WIF1: variants seen among roughly 807,000 people sequenced by gnomAD.
The protein encoded by WIF1 is Wnt inhibitory factor 1.
Under a neutral mutation model 53.5 loss-of-function variants are expected in WIF1, and 35 were observed. That is an observed-to-expected ratio of 0.65 (90% CI 0.50 to 0.87). WIF1 has a LOEUF of 0.87. Ranked by LOEUF, WIF1 falls within the 40% of genes least tolerant of loss-of-function variation. The probability of loss-of-function intolerance (pLI) is 0.00; values close to 1 mark genes in which losing one functional copy is unlikely to be tolerated. For synonymous variants in WIF1, 171 were observed against 170.4 expected, an observed-to-expected ratio of 1.00 and a Z score of -0.03; for missense variants, 467 against 476.8, an observed-to-expected ratio of 0.98 and a Z score of 0.19.
intron 2 of WIF1, chr12:65,083,856 C>CTTTTCTTTTCTTTTCTTTTA (rs1882994242): frequency 1.5e-5 from 5 of 333,534 alleles, no homozygotes; most frequent in African/African-American, 1.3e-4. Context: ...CTTTTCTTTT[C>CTTTTCTTTTCTTTTCTTTTA]TTTTATTTGC....
intron 2 of WIF1, among the ~76,000 whole-genome samples, chr12:65,102,329 C>T (rs571088682): frequency 1.3e-5 from 2 of 152,216 alleles, no homozygotes; most frequent in African/African-American, 4.8e-5. Context: ...AGTTGGCAAG[C>T]TGGAGTCCCA....
chr12:65,069,286 A>G (rs1209217141), intron 3 of WIF1, among the ~76,000 whole-genome samples: 2 of 152,208 alleles, frequency 1.3e-5, no homozygotes, highest in Non-Finnish European at 1.5e-5. Flanking sequence ...AACGAAAATA[A>G]ATAAAAAGCA....
intron 2 of WIF1, among the ~76,000 whole-genome samples, chr12:65,112,450 A>ACACACACACACC (rs1465604431): frequency 1.8e-4 from 27 of 148,342 alleles, no homozygotes; most frequent in African/African-American, 6.6e-4. Context: ...ACACACACAC[A>ACACACACACACC]CCATCCTGGA....
At chr12:65,082,656 G>A (rs1882967234) in intron 2 of WIF1, among the ~76,000 whole-genome samples, 1 of 152,138 alleles carries the variant, frequency 6.6e-6, no homozygotes, top group African/African-American at 2.4e-5. Context: ...TTCCAGATGA[G>A]ATGAAGACAT....
intron 6 of WIF1, among the ~76,000 whole-genome samples, chr12:65,063,364 T>C (rs1381118564): frequency 6.6e-6 from 1 of 152,120 alleles, no homozygotes; most frequent in African/African-American, 2.4e-5. Context: ...AGAGGAAATA[T>C]CTAAAAATAG....
chr12:65,054,615 A>G (rs1882496038), intron 9 of WIF1, among the ~76,000 whole-genome samples: 1 of 152,126 alleles, frequency 6.6e-6, no homozygotes, highest in African/African-American at 2.4e-5. Context: ...CCTCAAAAGA[A>G]CTCATTTACT....
intron 2 of WIF1, among the ~76,000 whole-genome samples, chr12:65,078,276 A>G (rs1466821681): frequency 6.6e-6 from 1 of 152,100 alleles, no homozygotes; most frequent in African/African-American, 2.4e-5. Flanking sequence ...ACAGGGTTTC[A>G]CCATGTTGCC....
At chr12:65,082,153 C>T (rs1056472749) in intron 2 of WIF1, among the ~76,000 whole-genome samples, 1 of 152,038 alleles carries the variant, frequency 6.6e-6, no homozygotes, top group Non-Finnish European at 1.5e-5. Flanking sequence ...TCTGTTTTTA[C>T]TTTATTTATA....
intron 2 of WIF1, 63 bp downstream of exon 2, chr12:65,120,354 A>T (rs1317961141): frequency 1.9e-6 from 3 of 1,547,614 alleles, no homozygotes; most frequent in Admixed American, 1.9e-5. Flanking sequence ...CACACTATAC[A>T]GTACTATTTC....
rs911348736 is a variant in WIF1 at position 65,097,051 on chromosome 12, A to G, written c.289-19197T>C. On this transcript the variant is annotated intron_variant, in intron 2 of 9. Transcript: ENST00000286574. ...AAAAAAAAAAGAAACAGATCAACAG[A>G]AAAAAACTCGATGTATCCAAATCAG... Among the ~76,000 whole-genome samples the G allele has an allele frequency of 3.3e-5, 5 of 151,848 alleles. No individual in the cohort carries two copies. The South Asian group carries it at 1.0e-3, about 32-fold the overall frequency.
At chr12:65,083,787 C>CTTTCT in intron 2 of WIF1, 1 of 296,918 alleles carries the variant, frequency 3.4e-6, no homozygotes, top group Non-Finnish European at 6.2e-6. Context: ...TTTCCCTTTC[C>CTTTCT]TTTCCTTTCC....
intron 2 of WIF1, among the ~76,000 whole-genome samples, chr12:65,097,263 T>G (rs1016897817): frequency 1.3e-5 from 2 of 152,024 alleles, no homozygotes; most frequent in African/African-American, 2.4e-5. Context: ...GACATCAACA[T>G]AGAGTCACAA....
chr12:65,061,047 G>C (rs895625988), intron 7 of WIF1, among the ~76,000 whole-genome samples: 1 of 152,162 alleles, frequency 6.6e-6, no homozygotes, highest in African/African-American at 2.4e-5. Context: ...TAAGTGTGCA[G>C]AGTCTGAAGT....
chr12:65,081,667 G>A (rs904678173), intron 2 of WIF1, among the ~76,000 whole-genome samples: 11 of 151,984 alleles, frequency 7.2e-5, no homozygotes, highest in African/African-American at 2.7e-4. Context: ...TTTCTTTCTT[G>A]GATCTTATCA....
intron 2 of WIF1, 122 bp from the exon 3 acceptor site, chr12:65,077,976 A>G (rs1389255462): frequency 9.8e-6 from 7 of 714,766 alleles, no homozygotes; most frequent in Non-Finnish European, 1.7e-5. Flanking sequence ...TGGAGCACAC[A>G]GCATCCAAGA....
At chr12:65,101,863 T>C (rs553380937) in intron 2 of WIF1, among the ~76,000 whole-genome samples, 1 of 152,324 alleles carries the variant, frequency 6.6e-6, no homozygotes, top group South Asian at 2.1e-4. Flanking sequence ...ACCATTCACT[T>C]AGAGTGGCAT....
At chr12:65,070,420 C>A (rs1045525184) in intron 3 of WIF1, among the ~76,000 whole-genome samples, 1 of 151,976 alleles carries the variant, frequency 6.6e-6, no homozygotes, top group Admixed American at 6.6e-5. Context: ...TATAAAAATG[C>A]CAATTTACAA....
At chr12:65,057,799 C>T (rs1302532803) in intron 7 of WIF1, among the ~76,000 whole-genome samples, 1 of 152,156 alleles carries the variant, frequency 6.6e-6, no homozygotes, top group Non-Finnish European at 1.5e-5. Context: ...ATTTTACTGA[C>T]AAGTACTATT....
intron 2 of WIF1, among the ~76,000 whole-genome samples, chr12:65,083,180 A>C (rs1048256795): frequency 3.3e-5 from 5 of 152,222 alleles, no homozygotes; most frequent in East Asian, 1.9e-4. Context: ...AATTCAGATT[A>C]GCAGATTCAC....
Sources: gnomAD v4.1 joint callset for allele counts (sites outside exome capture counted in the v4.1 genomes callset) on GRCh38, gnomAD v4.1.1 for gene constraint, MANE v1.5 for transcripts, NCBI Gene and HGNC (gene_info 2026-07-23, HGNC 2026-07-21) for gene names.